The following CAST variants were observed in gnomAD, a reference collection of about 807,000 sequenced individuals.
The protein encoded by CAST is MIR583 host.
CAST carries 76 observed loss-of-function variants against 119.6 expected under a neutral mutation model. That is an observed-to-expected ratio of 0.64 (90% confidence interval 0.53 to 0.77). CAST has a LOEUF of 0.77. Among genes scored for constraint, CAST ranks in the 30% least tolerant of loss-of-function variants. CAST has a pLI of 0.00. For synonymous variants in CAST, 319 were observed against 331.6 expected (o/e 0.96, Z 0.41); for missense variants, 953 against 946.5 (o/e 1.01, Z -0.09).
At chr5:96,501,063 A>C in the CAST span, among the ~76,000 whole-genome samples, 1 of 152,190 alleles carries the variant, frequency 6.6e-6, no homozygotes, top group Non-Finnish European at 1.5e-5. Context: ...AAGTTAACAA[A>C]GTCAGGTAGA....
At chr5:96,117,659 T>A in the CAST span, among the ~76,000 whole-genome samples, 116 of 152,340 alleles carry the variant, frequency 7.6e-4, 2 homozygotes, top group South Asian at 0.023. Context: ...GAATAAGGAA[T>A]GACTGTAGTG....
chr5:96,065,484 T>C, the CAST span, among the ~76,000 whole-genome samples: 2 of 151,940 alleles, frequency 1.3e-5, no homozygotes, highest in East Asian at 1.9e-4. Context: ...TAAAACTTAT[T>C]CTCTATACTG....
the CAST span, among the ~76,000 whole-genome samples, chr5:95,977,812 T>C: frequency 6.6e-6 from 1 of 152,118 alleles, no homozygotes; most frequent in African/African-American, 2.4e-5. Context: ...CACCCTACAC[T>C]CTCAGGAAGA....
chr5:96,400,415 A>G, the CAST span, among the ~76,000 whole-genome samples: 1 of 152,246 alleles, frequency 6.6e-6, no homozygotes, highest in African/African-American at 2.4e-5. Context: ...TCTCCAGAGC[A>G]TATAAGCTTT....
the CAST span, among the ~76,000 whole-genome samples, chr5:96,222,906 A>G: frequency 6.6e-6 from 1 of 152,200 alleles, no homozygotes; most frequent in African/African-American, 2.4e-5. Flanking sequence ...GTATATATAC[A>G]TAATTGAATA....
intron 3 of CAST, among the ~76,000 whole-genome samples, chr5:96,714,277 G>T (rs1489985566): frequency 6.6e-6 from 1 of 152,204 alleles, no homozygotes; most frequent in Non-Finnish European, 1.5e-5. Flanking sequence ...AGGTCTATGG[G>T]ACTCCAGAGC....
At chr5:96,128,099 A>C in the CAST span, among the ~76,000 whole-genome samples, 1 of 152,110 alleles carries the variant, frequency 6.6e-6, no homozygotes, top group Non-Finnish European at 1.5e-5. Flanking sequence ...TGGAATTTCA[A>C]ATTAACTTCT....
the CAST span, among the ~76,000 whole-genome samples, chr5:96,465,421 C>A: frequency 1.3e-5 from 2 of 152,042 alleles, no homozygotes; most frequent in African/African-American, 4.8e-5. Context: ...CCAGGTAGGG[C>A]TTCCAGCACA....
the CAST span, among the ~76,000 whole-genome samples, chr5:96,161,419 C>A: frequency 1.3e-5 from 2 of 152,088 alleles, no homozygotes; most frequent in African/African-American, 4.8e-5. Context: ...GATCTTGGCA[C>A]CTCTGTTGAA....
At chr5:96,063,761 G>T in the CAST span, among the ~76,000 whole-genome samples, 2 of 152,274 alleles carry the variant, frequency 1.3e-5, no homozygotes, top group African/African-American at 4.8e-5. Flanking sequence ...GTTGCTACGT[G>T]TCATTCCCAA....
chr5:96,253,508 A>G, the CAST span, among the ~76,000 whole-genome samples: 2 of 152,284 alleles, frequency 1.3e-5, no homozygotes, highest in Non-Finnish European at 2.9e-5. Context: ...AAGTAATCAA[A>G]TTAAGCTAAT....
chr5:96,206,124 C>G, the CAST span, among the ~76,000 whole-genome samples: 2 of 151,462 alleles, frequency 1.3e-5, no homozygotes, highest in African/African-American at 4.9e-5. Context: ...TCTTTTGAAA[C>G]GTGTTTATGT....
At chr5:96,362,148 A>G in the CAST span, among the ~76,000 whole-genome samples, 2 of 151,912 alleles carry the variant, frequency 1.3e-5, no homozygotes, top group Non-Finnish European at 2.9e-5. Context: ...CCATGTCCCT[A>G]CAAAGGACAT....
At chr5:96,725,082 C>T (rs920475648) in intron 4 of CAST, among the ~76,000 whole-genome samples, 5 of 152,042 alleles carry the variant, frequency 3.3e-5, no homozygotes, top group Admixed American at 1.3e-4. Context: ...TGAGAATTCT[C>T]GGCAGTCCTG....
chr5:96,724,077 A>G (rs1171833966), intron 4 of CAST, among the ~76,000 whole-genome samples: 1 of 152,238 alleles, frequency 6.6e-6, no homozygotes, highest in South Asian at 2.1e-4. Context: ...TAGTATTTAA[A>G]TTTACATTGA....
the CAST span, among the ~76,000 whole-genome samples, chr5:96,400,723 G>C: frequency 2.4e-4 from 36 of 152,166 alleles, no homozygotes; most frequent in Non-Finnish European, 2.9e-5. Context: ...TTAGCTATTT[G>C]AGCTCACTCT....
At chr5:96,122,758 T>C in the CAST span, among the ~76,000 whole-genome samples, 1 of 152,120 alleles carries the variant, frequency 6.6e-6, no homozygotes, top group Admixed American at 6.6e-5. Context: ...AGCTGATATA[T>C]TTATAGAAGT....
the CAST span, among the ~76,000 whole-genome samples, chr5:96,117,453 T>C: frequency 2.0e-5 from 3 of 152,144 alleles, no homozygotes; most frequent in Non-Finnish European, 2.9e-5. Flanking sequence ...AGGGAAACCT[T>C]TTAAAGCTGG....
chr5:96,623,301 A>G (rs1747657624), intron 1 of CAST, among the ~76,000 whole-genome samples: 2 of 152,334 alleles, frequency 1.3e-5, no homozygotes, highest in Non-Finnish European at 1.5e-5. Flanking sequence ...TTAAGTGAAC[A>G]TTAAAGCCAC....
Sources: allele counts gnomAD v4.1 joint callset (sites outside exome capture counted in the v4.1 genomes callset), GRCh38; gene constraint gnomAD v4.1.1; transcripts MANE v1.5; gene names NCBI Gene and HGNC (gene_info 2026-07-23, HGNC 2026-07-21).